The following HMBOX1 variants were observed in gnomAD, a reference collection of about 807,000 sequenced individuals.
HMBOX1 encodes homeobox containing 1, also known as homeobox-containing protein 1.
A neutral mutation model predicts 54.5 loss-of-function variants in HMBOX1; 14 were observed. The ratio of observed to expected loss-of-function variants is 0.26; its 90% CI spans 0.17 to 0.40. HMBOX1 has a LOEUF of 0.40. Ranked by LOEUF, HMBOX1 falls within the 10% of genes least tolerant of loss-of-function variation. The probability of loss-of-function intolerance (pLI) is 1.00; values close to 1 mark genes in which losing one functional copy is unlikely to be tolerated. For synonymous variants in HMBOX1, 160 were observed against 181.0 expected, an observed-to-expected ratio of 0.88 and a Z score of 0.93; for missense variants, 332 against 514.4, an observed-to-expected ratio of 0.65 and a Z score of 3.43.
chr8:29,018,964 C>T (rs776444459), intron 6 of HMBOX1, 51 bp downstream of exon 6: 1 of 1,561,916 alleles, frequency 6.4e-7, no homozygotes, highest in East Asian at 2.2e-5. Flanking sequence ...GGGAAGACAT[C>T]AACTCTGGAT....
intron 9 of HMBOX1, chr8:29,049,369 A>G: frequency 2.6e-6 from 4 of 1,533,608 alleles, no homozygotes; most frequent in Non-Finnish European, 3.5e-6. Context: ...AAGGTAGAAG[A>G]AGAGAGGAGG....
At chr8:29,006,427 A>C (rs1266799249) in intron 4 of HMBOX1, among the ~76,000 whole-genome samples, 1 of 152,212 alleles carries the variant, frequency 6.6e-6, no homozygotes, top group Non-Finnish European at 1.5e-5. Context: ...ATATATGCCT[A>C]GTAAAAAAAT....
chr8:28,890,162 C>T (rs1160169239), upstream of HMBOX1: 3 of 490,276 alleles, frequency 6.1e-6, no homozygotes, highest in East Asian at 7.5e-5. Flanking sequence ...TCCACCCCAG[C>T]ATGATATCAT....
At position 28,918,903 on chromosome 8, in the gene HMBOX1, T is replaced by C. The variant is rs1416762927; in HGVS notation, c.-58+28225T>C. ...CAGTGTGTAAAGTCATAACCCTGTTTTAAAAACAGCAGGAACTTCTGAAGA... is the reference window on the plus strand; with the variant it reads ...CAGTGTGTAAAGTCATAACCCTGTTCTAAAAACAGCAGGAACTTCTGAAGA... On this transcript the variant is annotated intron_variant, in intron 1 of 9. Transcript: ENST00000287701. 2.6e-5 allele frequency among the ~76,000 whole-genome samples: 4 copies of C among 152,232 alleles called. No individual in the cohort carries two copies. The South Asian group carries it at 8.3e-4, about 31-fold the overall frequency.
rs748824765 is a variant in HMBOX1 at position 28,970,262 on chromosome 8, A to G, written c.243A>G (p.Ala81=). 8.7e-6 allele frequency: 14 copies of G among 1,614,218 alleles called. No individual in the cohort carries two copies. Among genetic ancestry groups the G allele is most frequent in the Non-Finnish European group, 1.2e-5 (14 of 1,180,014 alleles). ...GGAATAGTACTAACAATGTCCCAGC[A>G]TCTTCCTCTACAGCTACAGCTTCCA... ...SYGNSTNNVP[A]SSSTATASTQ... Residue 81 remains alanine (A), a synonymous_variant, in exon 3 of 10, where the codon GCA becomes GCG. Transcript: ENST00000287701. The surrounding 1 kb of genome is among the most constrained non-coding windows in gnomAD (Gnocchi z 4.3).
chr8:28,903,446 C>T lies in HMBOX1; in HGVS notation c.-58+12768C>T, dbSNP rs10216381. Among the ~76,000 whole-genome samples, 311 of 152,328 alleles carry T rather than the reference C, an allele frequency of 2.0e-3. 2 individuals are homozygous for T. The highest frequency in any genetic ancestry group is 7.1e-3 in the African/African-American group (296 of 41,584). ...GGCAAGAGGTAATAAGCTTTCTCCTCGTGCCACTATTCCAACCATCTGAGA... is the reference window on the plus strand; with the variant it reads ...GGCAAGAGGTAATAAGCTTTCTCCTTGTGCCACTATTCCAACCATCTGAGA... On this transcript the variant is annotated intron_variant, in intron 1 of 9. Coordinates refer to ENST00000287701, the MANE Select transcript of HMBOX1 (RefSeq NM_001135726.3).
chr8:28,963,242 C>G (rs1825910062), intron 1 of HMBOX1, among the ~76,000 whole-genome samples: 1 of 152,186 alleles, frequency 6.6e-6, no homozygotes, highest in East Asian at 1.9e-4. Flanking sequence ...CCTCAGCCTC[C>G]TAAAGTGCTG....
chr8:28,958,745 GAAT>G (rs535769049), intron 1 of HMBOX1, among the ~76,000 whole-genome samples: 3 of 152,034 alleles, frequency 2.0e-5, no homozygotes, highest in Non-Finnish European at 4.4e-5. Context: ...TTGCTGTTTA[GAAT>G]AATATTTGCC....
intron 3 of HMBOX1, 45 bp from the exon 4 acceptor site, chr8:28,980,026 C>G: frequency 7.2e-7 from 1 of 1,383,320 alleles, no homozygotes. Context: ...ATGAGGATTT[C>G]TACCTTCAAC....
At position 29,008,708 on chromosome 8, in the gene HMBOX1, AG is replaced by A. The variant is rs565104300; in HGVS notation, c.587-360del. Among the ~76,000 whole-genome samples the A allele has an allele frequency of 6.6e-4, 101 of 152,306 alleles. 1 individual carries two copies. Among genetic ancestry groups the A allele is most frequent in the African/African-American group, 2.3e-3 (96 of 41,564 alleles). Reference sequence around the variant, plus strand: ...TTTAAAAGTTTTATTATTCTAAATTAGGGGTGGAGTGGAAAGCAGTGGTAAT... The same window carrying A: ...TTTAAAAGTTTTATTATTCTAAATTAGGGTGGAGTGGAAAGCAGTGGTAAT... On this transcript the variant is annotated intron_variant, in intron 4 of 9. Coordinates refer to ENST00000287701, the MANE Select transcript of HMBOX1 (RefSeq NM_001135726.3).
At chr8:28,969,325 A>G (rs1826996215) in intron 2 of HMBOX1, among the ~76,000 whole-genome samples, 1 of 152,252 alleles carries the variant, frequency 6.6e-6, no homozygotes. Flanking sequence ...ATGTAAAAGT[A>G]ATTTCCTAAG....
At position 28,896,482 on chromosome 8, in the gene HMBOX1, A is replaced by G. The variant is rs377676352; in HGVS notation, c.-58+5804A>G. The stretch of plus-strand genomic sequence containing the variant: ...CTTCATAAGTTCTGTTGTTTTGTCA[A>G]TATAGCTAAGGAGAAAGATAACCAA... On this transcript the variant is annotated intron_variant, in intron 1 of 9. Coordinates refer to ENST00000287701, the MANE Select transcript of HMBOX1 (RefSeq NM_001135726.3). 1.1e-4 allele frequency among the ~76,000 whole-genome samples: 16 copies of G among 149,264 alleles called. 2 individuals carry two copies. Among genetic ancestry groups the G allele is most frequent in the East Asian group, 3.9e-4 (2 of 5,190 alleles).
At chr8:29,047,018 T>A (rs1805670447) in intron 7 of HMBOX1, among the ~76,000 whole-genome samples, 1 of 152,304 alleles carries the variant, frequency 6.6e-6, no homozygotes, top group East Asian at 1.9e-4. Context: ...TCTGATACAA[T>A]AATGGTAATT....
chr8:29,010,058 G>A, intron 5 of HMBOX1: 1 of 984,690 alleles, frequency 1.0e-6, no homozygotes, highest in Non-Finnish European at 1.2e-6. Context: ...TTGTGTGTAA[G>A]TATGTGATAA....
intron 1 of HMBOX1, among the ~76,000 whole-genome samples, chr8:28,940,672 G>A (rs541749952): frequency 6.6e-6 from 1 of 152,306 alleles, no homozygotes; most frequent in East Asian, 1.9e-4. Flanking sequence ...AGGAGTTCTG[G>A]ACCCTTGCAT....
intron 6 of HMBOX1, among the ~76,000 whole-genome samples, chr8:29,025,099 G>A (rs1212569474): frequency 2.0e-5 from 3 of 152,166 alleles, no homozygotes; most frequent in Non-Finnish European, 4.4e-5. Context: ...ACCTATGCAT[G>A]ACTGCTGAGG....
At chr8:28,903,565 T>C (rs1813656258) in intron 1 of HMBOX1, among the ~76,000 whole-genome samples, 1 of 152,232 alleles carries the variant, frequency 6.6e-6, no homozygotes, top group African/African-American at 2.4e-5. Context: ...TGCTTCTGTC[T>C]TGATCTCAGC....
Position 29,051,750 on chromosome 8 carries a change from G to A in HMBOX1, c.*595G>A. ...TGGGTGCTGTGCTAAGAATGTCAATGGAAAAAGCCGATCTCAGATTTTGTT... is the reference window on the plus strand; with the variant it reads ...TGGGTGCTGTGCTAAGAATGTCAATAGAAAAAGCCGATCTCAGATTTTGTT... On this transcript the variant is annotated 3_prime_UTR_variant, in exon 10 of 10. Transcript: ENST00000287701. 1.7e-6 allele frequency: 1 copy of A among 589,496 alleles called. No homozygotes were observed. The highest frequency in any genetic ancestry group is 2.7e-4 in the Middle Eastern group (1 of 3,646). The allele number at this position is 589,496 out of a possible 1,614,324, so 36.5% of individuals were successfully genotyped here. A position where few individuals can be genotyped will look rare whatever the true frequency, so the allele number is the denominator to read the frequency against.
At chr8:28,906,668 C>T (rs1338679355) in intron 1 of HMBOX1, among the ~76,000 whole-genome samples, 1 of 152,196 alleles carries the variant, frequency 6.6e-6, no homozygotes, top group Admixed American at 6.5e-5. Context: ...CAGCTCACTG[C>T]AACCTCCGCC....
Sources: allele counts gnomAD v4.1 joint callset (sites outside exome capture counted in the v4.1 genomes callset), GRCh38; gene constraint gnomAD v4.1.1; non-coding constraint Gnocchi (gnomAD v3.1); transcripts MANE v1.5; gene names NCBI Gene and HGNC (gene_info 2026-07-23, HGNC 2026-07-21).